ARHGEF40: variants seen among roughly 807,000 people sequenced by gnomAD.
ARHGEF40 encodes the protein Rho guanine nucleotide exchange factor (GEF) 40.
A neutral mutation model predicts 165.9 loss-of-function variants in ARHGEF40; 98 were observed. That is an observed-to-expected ratio of 0.59 (90% CI 0.50 to 0.70). The LOEUF (loss-of-function observed/expected upper bound fraction) is 0.70. Ranked by LOEUF, ARHGEF40 falls within the 30% of genes least tolerant of loss-of-function variation. The pLI, the probability that ARHGEF40 is intolerant of heterozygous loss-of-function variation, is 0.00. For missense variants in ARHGEF40, 1,815 were observed against 1,968.0 expected (o/e 0.92, Z 1.47); for synonymous variants, 792 against 814.3 (o/e 0.97, Z 0.47).
At chr14:21,077,502 T>G (rs1887526275) in intron 8 of ARHGEF40, among the ~76,000 whole-genome samples, 2 of 152,072 alleles carry the variant, frequency 1.3e-5, no homozygotes, top group African/African-American at 4.8e-5. Context: ...GAGTGCAAGA[T>G]AGTGTCATTG....
chr14:21,076,872 C>T lies in ARHGEF40; in HGVS notation c.2016C>T (p.His672=), dbSNP rs1293423653. 3 of 1,613,378 alleles carry T rather than the reference C, an allele frequency of 1.9e-6. No individual in the cohort carries two copies. The highest frequency in any genetic ancestry group is 2.7e-5 in the African/African-American group (2 of 75,028). ...LGGHRDPSPS[H]WVEIHQEVVR... ...GTCACAGGGACCCCTCTCCCAGTCA[C>T]TGGGTAGAGATACACCAGGTAAGCT... The change falls in exon 8 of 24, where the codon CAC becomes CAT. Residue 672 remains histidine (H), a synonymous_variant. Transcript: ENST00000298694.
chr14:21,078,623 C>A, intron 10 of ARHGEF40, 135 bp downstream of exon 10: 1 of 965,874 alleles, frequency 1.0e-6, no homozygotes, highest in Non-Finnish European at 1.5e-6. Flanking sequence ...TTTACACTTA[C>A]TGTCTCATAA....
At chr14:21,064,989 G>A in the ARHGEF40 span, among the ~76,000 whole-genome samples, 1 of 152,140 alleles carries the variant, frequency 6.6e-6, no homozygotes, top group African/African-American at 2.4e-5. Flanking sequence ...TGAGCAACAT[G>A]CTGAAACCAC....
Position 21,074,918 on chromosome 14 carries a change from C to T in ARHGEF40, c.1188C>T (p.Asp396=), listed in dbSNP as rs751665070. ...GAGGGGCTCTTAGCCGAGGAGGGGA[C>T]AGTGCCCCACTGAGCCCTGGGGACA... ...AGRGALSRGG[D]SAPLSPGDKE... Residue 396 remains aspartate (D), a synonymous_variant, in exon 3 of 24, where the codon GAC becomes GAT. Transcript: ENST00000298694. The surrounding 1 kb of genome is among the most constrained non-coding windows in gnomAD (Gnocchi z 4.8). The T allele has an allele frequency of 6.2e-7, 1 of 1,607,102 alleles. No individual in the cohort carries two copies. The highest frequency in any genetic ancestry group is 8.5e-7 in the Non-Finnish European group (1 of 1,177,304).
Position 21,070,323 on chromosome 14 carries a change from C to A in ARHGEF40, c.-74C>A, listed in dbSNP as rs1414890931. On this transcript the variant is annotated 5_prime_UTR_variant, in exon 1 of 24. Transcript: ENST00000298694. This position sits in a 1 kb window ranked among gnomAD's most constrained non-coding sequence, Gnocchi z 4.7. ...TTAGCCAGACCCGGCGAGACACGAGCGGCGGGAGGGAGGCGGTGGCGCGCC... is the reference window on the plus strand; with the variant it reads ...TTAGCCAGACCCGGCGAGACACGAGAGGCGGGAGGGAGGCGGTGGCGCGCC... 2.2e-6 allele frequency: 3 copies of A among 1,385,712 alleles called. No homozygotes were observed. Among genetic ancestry groups the A allele is most frequent in the African/African-American group, 3.1e-5 (2 of 65,494 alleles). 85.8% of individuals were successfully genotyped at this position (1,385,712 alleles called of 1,614,324 possible). A position where few individuals can be genotyped will look rare whatever the true frequency, so the allele number is the denominator to read the frequency against.
At chr14:21,082,810 A>G (rs1888030531) in intron 15 of ARHGEF40, 21 bp from the exon 16 acceptor site, 4 of 1,612,872 alleles carry the variant, frequency 2.5e-6, no homozygotes, top group Non-Finnish European at 2.5e-6. Context: ...GGGACTCCTT[A>G]TCTGTTCTTT....
intron 21 of ARHGEF40, 118 bp downstream of exon 21, chr14:21,087,581 T>A: frequency 7.1e-7 from 1 of 1,403,160 alleles, no homozygotes; most frequent in Non-Finnish European, 9.6e-7. Context: ...ATGACAACTA[T>A]GTACAGCTTC....
intron 19 of ARHGEF40, 82 bp from the exon 20 acceptor site, chr14:21,086,919 A>G (rs915315016): frequency 4.1e-6 from 5 of 1,209,108 alleles, no homozygotes; most frequent in Non-Finnish European, 4.6e-6. Context: ...AAAAAAAAAA[A>G]AAAGAAAAAA....
chr14:21,083,011 T>G, intron 16 of ARHGEF40, 94 bp downstream of exon 16: 1 of 1,100,802 alleles, frequency 9.1e-7, no homozygotes, highest in South Asian at 1.3e-5. Flanking sequence ...AAACTGGATA[T>G]GCCCAGGAAC....
At chr14:21,083,564 A>G (rs1371624268) in intron 16 of ARHGEF40, among the ~76,000 whole-genome samples, 2 of 152,144 alleles carry the variant, frequency 1.3e-5, no homozygotes, top group Non-Finnish European at 2.9e-5. Flanking sequence ...GAAAAGAAGA[A>G]AAGAAAAGAA....
rs1467543310 is a variant in ARHGEF40, at chr14:21,076,663, A to G, written c.1917+20A>G. ...TTTCAGGTTTGAGCCCTTCATTCCC[A>G]TCTAGTTTCCCATCAGTAGTGGGGA... On this transcript the variant is annotated intron_variant, in intron 7 of 23. Transcript: ENST00000298694. 2 of 1,606,796 alleles carry G rather than the reference A, an allele frequency of 1.2e-6. No homozygotes were observed. Among genetic ancestry groups the G allele is most frequent in the Non-Finnish European group, 1.7e-6 (2 of 1,176,390 alleles).
At chr14:21,065,661 G>C (rs1330921445), upstream of ARHGEF40, among the ~76,000 whole-genome samples, 3 of 152,170 alleles carry the variant, frequency 2.0e-5, no homozygotes, top group Non-Finnish European at 4.4e-5. Context: ...AGACCTTTGA[G>C]ACTGTAACAC....
the ARHGEF40 span, among the ~76,000 whole-genome samples, chr14:21,063,715 C>T: frequency 7.2e-5 from 11 of 152,120 alleles, no homozygotes; most frequent in Non-Finnish European, 1.3e-4. Flanking sequence ...ATAACAGGCA[C>T]AGGTTATGTC....
intron 1 of ARHGEF40, among the ~76,000 whole-genome samples, chr14:21,071,048 A>C (rs1886787050): frequency 6.6e-6 from 1 of 152,002 alleles, no homozygotes; most frequent in Non-Finnish European, 1.5e-5. Context: ...AGCCGACCAG[A>C]GTTTGCGGAG....
At chr14:21,082,809 T>G in intron 15 of ARHGEF40, 22 bp from the exon 16 acceptor site, 1 of 1,612,944 alleles carries the variant, frequency 6.2e-7, no homozygotes, top group Non-Finnish European at 8.5e-7. Flanking sequence ...GGGGACTCCT[T>G]ATCTGTTCTT....
chr14:21,089,029 T>C lies in ARHGEF40; in HGVS notation c.*21T>C, dbSNP rs910513016. 4.2e-6 allele frequency: 3 copies of C among 710,068 alleles called. No individual in the cohort carries two copies. In the Admixed American group the frequency reaches 8.9e-5, roughly 21 times the overall value. 44.0% of individuals were successfully genotyped at this position (710,068 alleles called of 1,614,324 possible). ...TGGCTTCTAGAGAAGATCCAGAACT[T>C]GCGTGCAGCTTCTCCTCTCAGCACA... On this transcript the variant is annotated 3_prime_UTR_variant, in exon 24 of 24. Coordinates refer to ENST00000298694, the MANE Select transcript of ARHGEF40 (RefSeq NM_018071.5).
In ARHGEF40 at chr14:21,075,605, T is replaced by G; in HGVS notation, c.1619-40T>G. The G allele has an allele frequency of 6.2e-7, 1 of 1,614,000 alleles. No homozygotes were observed. The highest frequency in any genetic ancestry group is 8.5e-7 in the Non-Finnish European group (1 of 1,179,994). On this transcript the variant is annotated intron_variant, in intron 4 of 23. Coordinates refer to ENST00000298694, the MANE Select transcript of ARHGEF40 (RefSeq NM_018071.5). The surrounding 1 kb of genome is among the most constrained non-coding windows in gnomAD (Gnocchi z 4.5). ...GGGTGGAAAGGAGGTAGGCATGGAC[T>G]GCTCCCAGCCAGGACAGCCTGGCCA... is the stretch of plus-strand genomic sequence containing the variant.
At position 21,087,468 on chromosome 14, in the gene ARHGEF40, G is replaced by A. The variant is rs370605734; in HGVS notation, c.4387+5G>A. ...ACGTCAAGCAAATTTCCCTGGGTGA[G>A]GCACCTCTCAAGGGGTGGCTCCCAA... On this transcript the variant is annotated splice_donor_5th_base_variant and intron_variant, in intron 21 of 23. Coordinates refer to ENST00000298694, the MANE Select transcript of ARHGEF40 (RefSeq NM_018071.5). The A allele has an allele frequency of 3.7e-6, 6 of 1,600,350 alleles. No homozygotes were observed. The African/African-American group carries it at 5.3e-5, about 14-fold the overall frequency.
chr14:21,080,082 G>A (rs3827912), intron 11 of ARHGEF40, among the ~76,000 whole-genome samples: 7,122 of 152,168 alleles, frequency 0.047, 172 homozygotes, highest in Middle Eastern at 0.099. Flanking sequence ...TCCTCAGGCT[G>A]TCCCACCCCC....
Sources: allele counts gnomAD v4.1 joint callset (sites outside exome capture counted in the v4.1 genomes callset), GRCh38; gene constraint gnomAD v4.1.1; non-coding constraint Gnocchi (gnomAD v3.1); transcripts MANE v1.5; gene names NCBI Gene and HGNC (gene_info 2026-07-23, HGNC 2026-07-21).